Variants in ZFHX3 observed in about 807,000 individuals in gnomAD.
The protein encoded by ZFHX3 is zinc finger homeobox protein 3.
Under a neutral mutation model 279.1 loss-of-function variants are expected in ZFHX3, and 42 were observed. The ratio of observed to expected loss-of-function variants is 0.15; its 90% confidence interval spans 0.12 to 0.19. The LOEUF is 0.19. Ranked by LOEUF, ZFHX3 falls within the 10% of genes least tolerant of loss-of-function variation. The probability of loss-of-function intolerance (pLI) is 1.00; values close to 1 mark genes in which losing one functional copy is unlikely to be tolerated. For synonymous variants in ZFHX3, 2,293 were observed against 1,957.8 expected (o/e 1.17, Z -4.52); for missense variants, 4,981 against 4,754.0 (o/e 1.05, Z -1.40).
chr16:73,710,893 A>G (rs2053356117), intron 1 of ZFHX3, among the ~76,000 whole-genome samples: 1 of 151,678 alleles, frequency 6.6e-6, no homozygotes, highest in South Asian at 2.1e-4. Context: ...AGGGTCTCCA[A>G]CTCTCTCTAG....
At chr16:73,876,979 A>G (rs1416224645) in intron 1 of ZFHX3, among the ~76,000 whole-genome samples, 2 of 152,042 alleles carry the variant, frequency 1.3e-5, no homozygotes, top group African/African-American at 4.8e-5. Context: ...AATCTATGAT[A>G]CGAGTGAGAA....
chr16:73,658,853 C>A (rs1370738709), intron 2 of ZFHX3, among the ~76,000 whole-genome samples: 1 of 152,042 alleles, frequency 6.6e-6, no homozygotes, highest in African/African-American at 2.4e-5. Context: ...GTATAACAAC[C>A]AAAATTTCCA....
chr16:73,338,871 G>A (rs1198448530), intron 3 of ZFHX3, among the ~76,000 whole-genome samples: 2 of 152,076 alleles, frequency 1.3e-5, no homozygotes, highest in East Asian at 1.9e-4. Flanking sequence ...TGCTGTCCTC[G>A]CCATAGTGGA....
At chr16:73,580,492 A>AAAACAAAAAC (rs2051849093) in intron 2 of ZFHX3, among the ~76,000 whole-genome samples, 2 of 145,192 alleles carry the variant, frequency 1.4e-5, no homozygotes, top group Admixed American at 1.4e-4. Context: ...AACAAAAACA[A>AAAACAAAAAC]AAACAAACAA....
chr16:73,794,480 G>T (rs568128559), intron 1 of ZFHX3: 1 of 152,130 alleles, frequency 6.6e-6, no homozygotes, highest in African/African-American at 2.4e-5. Flanking sequence ...CACCCTAGAG[G>T]GTAAAAGACA....
In ZFHX3 at chr16:72,798,426, T is replaced by G; in HGVS notation, c.4256A>C (p.His1419Pro). Reference protein sequence around the residue: ...AFKTIEKLQLHSQYHVIRAAT... With the variant: ...AFKTIEKLQLPSQYHVIRAAT... ...AGCTCTGATCACATGGTACTGAGAA[T>G]GGAGCTGCAACTTTTCAATGGTCTT... Residue 1419 changes from histidine (H) to proline (P), a missense_variant, in exon 9 of 10, where the codon CAT becomes CCT. Around this residue, in one of 7 missense-constraint regions of ZFHX3, gnomAD observed 1,751 missense variants for 1,770.0 expected, o/e 0.99. Transcript: ENST00000268489. The G allele has an allele frequency of 6.2e-7, 1 of 1,614,242 alleles. No homozygotes were observed. Among genetic ancestry groups the G allele is most frequent in the Non-Finnish European group, 8.5e-7 (1 of 1,180,040 alleles).
intron 1 of ZFHX3, among the ~76,000 whole-genome samples, chr16:73,718,600 TTTATTTATTTA>T (rs2053440158): frequency 1.4e-5 from 2 of 141,444 alleles, no homozygotes; most frequent in Admixed American, 1.5e-4. Flanking sequence ...TGTTTATGTA[TTTATTTATTTA>T]TTATTTATTT....
At chr16:73,246,760 T>C (rs966479689) in intron 5 of ZFHX3, among the ~76,000 whole-genome samples, 25 of 152,242 alleles carry the variant, frequency 1.6e-4, no homozygotes, top group African/African-American at 5.5e-4. Flanking sequence ...TTTTAAAACT[T>C]GCAACTGACT....
intron 5 of ZFHX3, among the ~76,000 whole-genome samples, chr16:73,235,039 C>T (rs2012898147): frequency 1.3e-5 from 2 of 152,206 alleles, no homozygotes; most frequent in Admixed American, 6.5e-5. Context: ...AGTATTTAAG[C>T]TGGGAAATGT....
chr16:73,822,767 G>C (rs1960784530), intron 1 of ZFHX3, among the ~76,000 whole-genome samples: 1 of 152,240 alleles, frequency 6.6e-6, no homozygotes, highest in South Asian at 2.1e-4. Flanking sequence ...ACAGATGCCA[G>C]AAGAAGCCCC....
intron 2 of ZFHX3, among the ~76,000 whole-genome samples, chr16:73,649,638 G>T (rs2052652490): frequency 6.6e-6 from 1 of 152,160 alleles, no homozygotes; most frequent in South Asian, 2.1e-4. Flanking sequence ...CTTACAGAGA[G>T]TTTGGGTCAG....
Position 72,958,333 on chromosome 16 carries a change from G to C in ZFHX3, c.1813C>G (p.Pro605Ala), listed in dbSNP as rs1206470118. 4 of 1,613,912 alleles carry C rather than the reference G, an allele frequency of 2.5e-6. No homozygotes were observed. The highest frequency in any genetic ancestry group is 1.3e-5 in the African/African-American group (1 of 74,920). The change falls in exon 2 of 10, where the codon CCA becomes GCA. Residue 605 changes from proline to alanine, a missense_variant. By Grantham distance (27) the Pro-to-Ala change is conservative (BLOSUM62 -1). Around this residue, in one of 7 missense-constraint regions of ZFHX3, gnomAD observed 1,068 missense variants for 935.2 expected, o/e 1.14. Transcript: ENST00000268489. ...ANKDNATAPEPNESTEGDDGG... is the reference protein window; with the variant it reads ...ANKDNATAPEANESTEGDDGG... ...TCGTCACCCTCTGTGCTTTCATTTG[G>C]TTCTGGTGCTGTGGCATTGTCTTTA...
chr16:73,396,425 A>ATT (rs56142534), intron 3 of ZFHX3, among the ~76,000 whole-genome samples: 5 of 151,720 alleles, frequency 3.3e-5, no homozygotes, highest in Admixed American at 1.3e-4. Context: ...AGACTCATTT[A>ATT]TTTTTTTTCA....
chr16:73,450,325 C>A (rs1017472410), intron 3 of ZFHX3, among the ~76,000 whole-genome samples: 3 of 152,128 alleles, frequency 2.0e-5, no homozygotes, highest in Admixed American at 2.0e-4. Context: ...TTCACGTATT[C>A]ATGGTAAACA....
intron 2 of ZFHX3, among the ~76,000 whole-genome samples, chr16:73,622,489 G>A (rs2052373058): frequency 6.6e-6 from 1 of 152,148 alleles, no homozygotes; most frequent in Non-Finnish European, 1.5e-5. Flanking sequence ...GTGAACCGGG[G>A]AGGTGGAGCT....
At chr16:72,842,146 G>A (rs952097142) in intron 4 of ZFHX3, among the ~76,000 whole-genome samples, 4 of 152,118 alleles carry the variant, frequency 2.6e-5, no homozygotes, top group African/African-American at 9.7e-5. Context: ...CTAGAAACCC[G>A]CTGACAGAAA....
At chr16:73,207,873 C>T (rs996860343) in intron 5 of ZFHX3, among the ~76,000 whole-genome samples, 19 of 152,242 alleles carry the variant, frequency 1.2e-4, no homozygotes, top group Admixed American at 7.9e-4. Context: ...ATTGCGCCAA[C>T]GTTTTGGAAG....
chr16:72,926,558 C>T (rs1230389358), intron 3 of ZFHX3, among the ~76,000 whole-genome samples: 1 of 152,190 alleles, frequency 6.6e-6, no homozygotes, highest in Non-Finnish European at 1.5e-5. Flanking sequence ...TTCCTTCTTC[C>T]TTTTCGGAGT....
chr16:73,251,460 T>C (rs998953059), intron 5 of ZFHX3, among the ~76,000 whole-genome samples: 1 of 152,176 alleles, frequency 6.6e-6, no homozygotes, highest in Non-Finnish European at 1.5e-5. Flanking sequence ...CCATGGCATA[T>C]GCACAATTAC....
Sources: gnomAD v4.1 joint callset for allele counts (sites outside exome capture counted in the v4.1 genomes callset) on GRCh38, gnomAD v4.1.1 for gene constraint, gnomAD v4.1.1 regional missense constraint, MANE v1.5 for transcripts, NCBI Gene and HGNC (gene_info 2026-07-23, HGNC 2026-07-21) for gene names.